Variants in SNTG1 observed in about 807,000 individuals in gnomAD.
The protein encoded by SNTG1 is syntrophin gamma 1.
A neutral mutation model predicts 74.7 loss-of-function variants in SNTG1; 39 were observed. The observed-to-expected ratio is 0.52, with a 90% CI of 0.40 to 0.68. The LOEUF (loss-of-function observed/expected upper bound fraction) is 0.68. Ranked by LOEUF, SNTG1 falls within the 30% of genes least tolerant of loss-of-function variation. The pLI, the probability that SNTG1 is intolerant of heterozygous loss-of-function variation, is 0.00. For synonymous variants in SNTG1, 254 were observed against 217.1 expected (o/e 1.17, Z -1.49); for missense variants, 685 against 609.5 (o/e 1.12, Z -1.30).
chr8:50,664,182 T>C lies in SNTG1; in HGVS notation c.1038+5519T>C, dbSNP rs570640980. Among the ~76,000 whole-genome samples the C allele has an allele frequency of 9.2e-5, 14 of 152,242 alleles. No homozygotes were observed. The East Asian group carries it at 2.5e-3, about 27-fold the overall frequency. On this transcript the variant is annotated intron_variant, in intron 15 of 18. Coordinates refer to ENST00000642720, the MANE Select transcript of SNTG1 (RefSeq NM_018967.5). ...AGAGTTTGGCTATTTTTTTAGAAAC[T>C]CATGGCAATTAGCTGAGATGATACT... is the stretch of plus-strand genomic sequence containing the variant.
At chr8:50,366,834 A>G (rs2092126792) in intron 2 of SNTG1, among the ~76,000 whole-genome samples, 3 of 145,320 alleles carry the variant, frequency 2.1e-5, no homozygotes. Flanking sequence ...ATATACCATT[A>G]TATAGTATAG....
intron 1 of SNTG1, among the ~76,000 whole-genome samples, chr8:50,139,294 C>T (rs1563647710): frequency 6.6e-6 from 1 of 152,140 alleles, no homozygotes; most frequent in Admixed American, 6.6e-5. Context: ...TGTAACCAAT[C>T]ATTTATATTT....
At chr8:50,293,692 G>T (rs868070736) in intron 2 of SNTG1, among the ~76,000 whole-genome samples, 1 of 152,084 alleles carries the variant, frequency 6.6e-6, no homozygotes, top group African/African-American at 2.4e-5. Context: ...TTACAGGCGT[G>T]AGCCACTGTG....
chr8:50,262,538 A>G (rs1432941205), intron 2 of SNTG1, among the ~76,000 whole-genome samples: 10 of 152,030 alleles, frequency 6.6e-5, no homozygotes, highest in Admixed American at 6.5e-4. Flanking sequence ...GCCTCAGAGT[A>G]GCTGGGACTA....
rs377345828 is a variant in SNTG1 at position 50,067,814 on chromosome 8, G to A, written c.-102-104747G>A. 1.3e-5 allele frequency among the ~76,000 whole-genome samples: 2 copies of A among 152,266 alleles called. 1 individual carries two copies. Among genetic ancestry groups the A allele is most frequent in the African/African-American group, 4.8e-5 (2 of 41,562 alleles). On this transcript the variant is annotated intron_variant, in intron 1 of 18. Coordinates refer to ENST00000642720, the MANE Select transcript of SNTG1 (RefSeq NM_018967.5). The stretch of plus-strand genomic sequence containing the variant: ...CCCACAGATGACCTGGAATGATGCA[G>A]TGCACACAGACCCCTGTGTCTGCAG...
intron 1 of SNTG1, among the ~76,000 whole-genome samples, chr8:50,104,001 G>A (rs190282858): frequency 6.6e-6 from 1 of 152,100 alleles, no homozygotes; most frequent in Non-Finnish European, 1.5e-5. Context: ...ATGTTCATCA[G>A]GGATATCAGT....
At chr8:50,441,877 T>A (rs1330099705) in intron 5 of SNTG1, among the ~76,000 whole-genome samples, 1 of 152,232 alleles carries the variant, frequency 6.6e-6, no homozygotes, top group Non-Finnish European at 1.5e-5. Context: ...CATGGACTTA[T>A]TTGTCCTTTA....
chr8:50,577,253 T>G (rs577374805), intron 12 of SNTG1, among the ~76,000 whole-genome samples: 1 of 152,286 alleles, frequency 6.6e-6, no homozygotes, highest in African/African-American at 2.4e-5. Flanking sequence ...TGCTTTCATT[T>G]TGTTAATGTG....
At chr8:50,620,179 G>A (rs1442913237) in intron 13 of SNTG1, among the ~76,000 whole-genome samples, 2 of 152,144 alleles carry the variant, frequency 1.3e-5, no homozygotes, top group East Asian at 3.9e-4. Flanking sequence ...TTTCCTTTCT[G>A]GCTGTCATCT....
At chr8:50,100,012 T>C (rs933827577) in intron 1 of SNTG1, among the ~76,000 whole-genome samples, 3 of 152,048 alleles carry the variant, frequency 2.0e-5, no homozygotes, top group Non-Finnish European at 4.4e-5. Context: ...TTTTGGTGCC[T>C]AAGTGTTCAT....
intron 1 of SNTG1, among the ~76,000 whole-genome samples, chr8:50,139,792 C>T (rs2081596499): frequency 6.6e-6 from 1 of 152,192 alleles, no homozygotes; most frequent in Admixed American, 6.5e-5. Flanking sequence ...CCCCAGATAC[C>T]TGGCAAGATT....
At chr8:50,330,950 G>T (rs1211342320) in intron 2 of SNTG1, among the ~76,000 whole-genome samples, 3 of 152,162 alleles carry the variant, frequency 2.0e-5, no homozygotes, top group Admixed American at 6.5e-5. Flanking sequence ...TTTGGGTGGG[G>T]ACATAGAGCT....
At chr8:49,924,974 A>AC (rs765982242) in intron 1 of SNTG1, among the ~76,000 whole-genome samples, 47 of 151,032 alleles carry the variant, frequency 3.1e-4, no homozygotes, top group South Asian at 8.4e-4. Flanking sequence ...ACAAAGTGAG[A>AC]CCCCCCCATC....
chr8:50,061,932 C>T (rs1219767352), intron 1 of SNTG1, among the ~76,000 whole-genome samples: 1 of 152,050 alleles, frequency 6.6e-6, no homozygotes, highest in African/African-American at 2.4e-5. Context: ...ATGTATTCTG[C>T]TACTAATGGG....
At chr8:50,380,689 A>G in intron 2 of SNTG1, among the ~76,000 whole-genome samples, 1 of 152,160 alleles carries the variant, frequency 6.6e-6, no homozygotes, top group East Asian at 1.9e-4. Flanking sequence ...GAAGGGAAGC[A>G]GTCTTATGTT....
At chr8:50,504,034 C>T (rs916993503) in intron 9 of SNTG1, among the ~76,000 whole-genome samples, 1 of 152,138 alleles carries the variant, frequency 6.6e-6, no homozygotes, top group African/African-American at 2.4e-5. Context: ...TGGTTCTCCT[C>T]TATTTGTCTA....
chr8:50,472,195 C>A (rs1001139388), intron 8 of SNTG1, among the ~76,000 whole-genome samples: 33 of 152,016 alleles, frequency 2.2e-4, no homozygotes, highest in African/African-American at 8.0e-4. Flanking sequence ...AAACTCCATT[C>A]TAAAATTCAT....
chr8:50,156,766 G>A (rs954486747), intron 1 of SNTG1, among the ~76,000 whole-genome samples: 2 of 152,018 alleles, frequency 1.3e-5, no homozygotes, highest in African/African-American at 4.8e-5. Flanking sequence ...ATAAGTACAT[G>A]AAAAGGCGCT....
At chr8:50,041,992 C>T (rs1818678852) in intron 1 of SNTG1, among the ~76,000 whole-genome samples, 1 of 152,152 alleles carries the variant, frequency 6.6e-6, no homozygotes, top group African/African-American at 2.4e-5. Flanking sequence ...AATGGGGTTA[C>T]ATCCTTATAA....
Sources: gnomAD v4.1 joint callset for allele counts (sites outside exome capture counted in the v4.1 genomes callset) on GRCh38, gnomAD v4.1.1 for gene constraint, MANE v1.5 for transcripts, NCBI Gene and HGNC (gene_info 2026-07-23, HGNC 2026-07-21) for gene names.